CUBN: variants seen among roughly 807,000 people sequenced by gnomAD.
CUBN encodes cubilin.
A neutral mutation model predicts 405.3 loss-of-function variants in CUBN; 282 were observed. That is an observed-to-expected ratio of 0.70 (90% CI 0.63 to 0.77). The LOEUF is 0.77. Among genes scored for constraint, CUBN ranks in the 30% least tolerant of loss-of-function variants. The pLI, the probability that CUBN is intolerant of heterozygous loss-of-function variation, is 0.00. For missense variants in CUBN, 4,514 were observed against 4,475.2 expected, an observed-to-expected ratio of 1.01 and a Z score of -0.25; for synonymous variants, 1,684 against 1,617.0, an observed-to-expected ratio of 1.04 and a Z score of -0.99.
In CUBN at chr10:16,928,415, G is replaced by T. The variant is rs186087660; in HGVS notation, c.6125-112C>A. On this transcript the variant is annotated intron_variant, in intron 40 of 66. Transcript: ENST00000377833. ...CATTTTTCTCAGAACATCAGGACTC[G>T]TAGGAGATAATGGGATCCTCAAAAA... The T allele has an allele frequency of 6.1e-6, 7 of 1,150,558 alleles. No individual in the cohort carries two copies. The African/African-American group carries it at 9.1e-5, about 15-fold the overall frequency. The allele number at this position is 1,150,558 out of a possible 1,614,324, so 71.3% of individuals were successfully genotyped here. A position where few individuals can be genotyped will look rare whatever the true frequency, so the allele number is the denominator to read the frequency against.
intron 27 of CUBN, among the ~76,000 whole-genome samples, chr10:17,032,335 G>T (rs145088727): frequency 6.6e-6 from 1 of 152,138 alleles, no homozygotes; most frequent in Non-Finnish European, 1.5e-5. Flanking sequence ...GCAGCCAGAC[G>T]TTAAATTCCT....
chr10:16,901,888 AGTATAT>A (rs1353791025), intron 51 of CUBN, among the ~76,000 whole-genome samples: 1 of 26,040 alleles, frequency 3.8e-5, no homozygotes, highest in East Asian at 3.3e-3. Flanking sequence ...CACCATATAT[AGTATAT>A]ATATATATAT....
At chr10:17,086,274 T>A (rs1309321039) in intron 15 of CUBN, among the ~76,000 whole-genome samples, 1 of 152,188 alleles carries the variant, frequency 6.6e-6, no homozygotes, top group African/African-American at 2.4e-5. Context: ...TGTGACTGGA[T>A]TTCAATTCCA....
chr10:16,918,964 A>T (rs1413389730), intron 44 of CUBN, among the ~76,000 whole-genome samples, 164 bp from the exon 45 acceptor site: 1 of 152,246 alleles, frequency 6.6e-6, no homozygotes, highest in East Asian at 1.9e-4. Flanking sequence ...ATGCTGTATG[A>T]TATTTTTCCT....
chr10:16,910,379 C>T (rs1438786775), intron 48 of CUBN, among the ~76,000 whole-genome samples: 1 of 152,080 alleles, frequency 6.6e-6, no homozygotes, highest in Non-Finnish European at 1.5e-5. Context: ...TAAAGAGGAA[C>T]CAAAATAAAC....
At chr10:16,982,729 G>A (rs541952375) in intron 30 of CUBN, 76 bp from the exon 31 acceptor site, 1 of 1,288,730 alleles carries the variant, frequency 7.8e-7, no homozygotes, top group African/African-American at 1.5e-5. Context: ...TGGTTGTATA[G>A]ATCAATACAT....
intron 22 of CUBN, among the ~76,000 whole-genome samples, chr10:17,051,535 G>T (rs1835267588): frequency 6.6e-6 from 1 of 151,984 alleles, no homozygotes; most frequent in African/African-American, 2.4e-5. Context: ...AAAAATATGT[G>T]CAAAGACTTA....
At chr10:17,123,464 A>G (rs778858082) in intron 5 of CUBN, 124 bp downstream of exon 5, 6 of 802,408 alleles carry the variant, frequency 7.5e-6, no homozygotes, top group African/African-American at 6.8e-5. Context: ...GTATATTTCA[A>G]TTTGATTTGG....
intron 64 of CUBN, 139 bp downstream of exon 64, chr10:16,834,875 G>A (rs1839121394): frequency 1.0e-6 from 1 of 978,156 alleles, no homozygotes; most frequent in South Asian, 1.5e-5. Flanking sequence ...GATGTTTAGG[G>A]AATGAAAGGG....
At chr10:17,057,465 A>G (rs1835420525) in intron 22 of CUBN, among the ~76,000 whole-genome samples, 1 of 151,956 alleles carries the variant, frequency 6.6e-6, no homozygotes, top group South Asian at 2.1e-4. Flanking sequence ...TGGAGCCCCA[A>G]CTCCTATTTC....
At chr10:16,962,154 C>T (rs1843244292) in intron 31 of CUBN, among the ~76,000 whole-genome samples, 1 of 152,080 alleles carries the variant, frequency 6.6e-6, no homozygotes, top group Non-Finnish European at 1.5e-5. Flanking sequence ...TCTTAATCTG[C>T]AAAATTGGAT....
intron 58 of CUBN, among the ~76,000 whole-genome samples, chr10:16,873,990 G>A (rs1043243894): frequency 3.3e-5 from 5 of 152,146 alleles, no homozygotes; most frequent in South Asian, 2.1e-4. Context: ...ATTACGGCAC[G>A]TGTGAATCAA....
Position 16,950,048 on chromosome 10 carries a change from T to A in CUBN, c.5033A>T (p.Asp1678Val). 6.2e-7 allele frequency: 1 copy of A among 1,614,030 alleles called. No individual in the cohort carries two copies. The highest frequency in any genetic ancestry group is 8.5e-7 in the Non-Finnish European group (1 of 1,179,996). The change falls in exon 34 of 67, where the codon GAC (aspartate) becomes GTC (valine). Residue 1678 changes from aspartate to valine, a missense_variant. Asp to Val is a radical substitution (Grantham distance 152, BLOSUM62 -3). Transcript: ENST00000377833. ...ELERSTTCAR[D>V]FVEILDGGHE... Reference sequence around the variant, plus strand: ...GCCGCCATCCAAAATTTCTACAAAGTCACGTGCACACGTTGTGCTTCTTTC... The same window carrying A: ...GCCGCCATCCAAAATTTCTACAAAGACACGTGCACACGTTGTGCTTCTTTC...
intron 4 of CUBN, among the ~76,000 whole-genome samples, chr10:17,124,973 AG>A (rs1837140056): frequency 6.6e-6 from 1 of 152,194 alleles, no homozygotes; most frequent in East Asian, 1.9e-4. Flanking sequence ...CTGGGACTAC[AG>A]GAATGTCCCA....
In CUBN at chr10:17,071,568, C is replaced by T. The variant is rs199527884; in HGVS notation, c.2483G>A (p.Arg828His). Residue 828 changes from arginine (R) to histidine (H), a missense_variant, in exon 19 of 67, where the codon CGC becomes CAC. Around this residue, in one of 5 missense-constraint regions of CUBN, gnomAD observed 1,448 missense variants for 1,388.0 expected, o/e 1.04. Transcript: ENST00000377833. ...GDELTGEGVI[R>H]SPFFPNVYPG... is the part of the protein sequence containing the mutation. ...ATACACGTTAGGAAAAAAAGGCGAG[C>T]GAATGACCCCTTCTCCAGTTAATTC... 155 of 1,613,662 alleles carry T rather than the reference C, an allele frequency of 9.6e-5. No individual in the cohort carries two copies. The East Asian group carries it at 1.7e-3, about 17-fold the overall frequency.
At position 16,954,799 on chromosome 10, in the gene CUBN, G is replaced by A. The variant is rs529822160; in HGVS notation, c.4696-251C>T. On this transcript the variant is annotated intron_variant, in intron 31 of 66. Transcript: ENST00000377833. ...ATTTCTTGATATCTTCATAAATGCC[G>A]TCCCTTCCACACTCCCCTTCCTTCC... Among the ~76,000 whole-genome samples, 19 of 151,982 alleles carry A rather than the reference G, an allele frequency of 1.3e-4. 1 individual carries two copies. The South Asian group carries it at 2.3e-3, about 18-fold the overall frequency.
At chr10:17,122,222 G>T (rs1914172) in intron 6 of CUBN, 45,230 of 159,662 alleles carry the variant, frequency 0.28, 7,906 homozygotes, top group East Asian at 0.49. Context: ...CAAGTCACTT[G>T]ACAGAATAAG....
rs569852682 is a variant in CUBN, at chr10:16,972,721, C to T, written c.4695+9763G>A. ...AATTACAGGTATGAGCCATCACTCC[C>T]GGCCATTCATTCATTCTTCAAGCAA... On this transcript the variant is annotated intron_variant, in intron 31 of 66. Coordinates refer to ENST00000377833, the MANE Select transcript of CUBN (RefSeq NM_001081.4). Among the ~76,000 whole-genome samples the T allele has an allele frequency of 4.6e-5, 7 of 152,118 alleles. No homozygotes were observed. In the South Asian group the frequency reaches 6.2e-4, roughly 14 times the overall value.
chr10:16,834,931 A>G (rs1174541832), intron 64 of CUBN, 83 bp downstream of exon 64: 2 of 1,232,506 alleles, frequency 1.6e-6, no homozygotes, highest in African/African-American at 1.5e-5. Flanking sequence ...TAATATTAGC[A>G]GCACTAGATA....
Sources: gnomAD v4.1 joint callset for allele counts (sites outside exome capture counted in the v4.1 genomes callset) on GRCh38, gnomAD v4.1.1 for gene constraint, gnomAD v4.1.1 regional missense constraint, MANE v1.5 for transcripts, NCBI Gene and HGNC (gene_info 2026-07-23, HGNC 2026-07-21) for gene names.